TENM2: variants seen among roughly 807,000 people sequenced by gnomAD.
TENM2 encodes teneurin-2.
A neutral mutation model predicts 245.2 loss-of-function variants in TENM2; 52 were observed. The observed-to-expected ratio is 0.21, with a 90% CI of 0.17 to 0.27. TENM2 has a LOEUF of 0.27. Ranked by LOEUF, TENM2 falls within the 10% of genes least tolerant of loss-of-function variation. The probability of loss-of-function intolerance (pLI) is 1.00; values close to 1 mark genes in which losing one functional copy is unlikely to be tolerated. For synonymous variants in TENM2, 1,363 were observed against 1,438.9 expected (o/e 0.95, Z 1.19); for missense variants, 3,046 against 3,666.8 (o/e 0.83, Z 4.37).
At chr5:167,995,014 G>T (rs1442482494) in intron 5 of TENM2, among the ~76,000 whole-genome samples, 1 of 152,208 alleles carries the variant, frequency 6.6e-6, no homozygotes, top group East Asian at 1.9e-4. Context: ...AGAAACTTCA[G>T]AAGGGGTTCC....
At chr5:167,174,644 C>G in the TENM2 span, among the ~76,000 whole-genome samples, 1 of 151,954 alleles carries the variant, frequency 6.6e-6, no homozygotes, top group Non-Finnish European at 1.5e-5. Context: ...ACATATCCAC[C>G]CCTCTTCATA....
chr5:167,042,266 A>T, the TENM2 span, among the ~76,000 whole-genome samples: 1 of 152,078 alleles, frequency 6.6e-6, no homozygotes, highest in African/African-American at 2.4e-5. Flanking sequence ...ACACCACCTT[A>T]TTGCTCACCA....
the TENM2 span, among the ~76,000 whole-genome samples, chr5:167,229,414 G>T: frequency 6.6e-6 from 1 of 152,204 alleles, no homozygotes; most frequent in Non-Finnish European, 1.5e-5. Context: ...GGCTGAGCAG[G>T]TTCTGAACAC....
At chr5:167,201,902 C>T in the TENM2 span, among the ~76,000 whole-genome samples, 1 of 152,136 alleles carries the variant, frequency 6.6e-6, no homozygotes, top group Non-Finnish European at 1.5e-5. Flanking sequence ...CTGTTTGTGA[C>T]TGCCTGGAGA....
At chr5:168,050,109 G>A (rs763696108) in intron 6 of TENM2, among the ~76,000 whole-genome samples, 2 of 152,164 alleles carry the variant, frequency 1.3e-5, no homozygotes, top group Admixed American at 1.3e-4. Flanking sequence ...AGCAGAGACA[G>A]ACAAAATGTT....
chr5:168,034,170 TATAC>T (rs199553664), intron 5 of TENM2, among the ~76,000 whole-genome samples: 7,933 of 98,720 alleles, frequency 0.08, 295 homozygotes, highest in East Asian at 0.18. Context: ...TATGTATATA[TATAC>T]ACACACACAC....
the TENM2 span, among the ~76,000 whole-genome samples, chr5:166,999,165 A>T: frequency 6.6e-6 from 1 of 152,202 alleles, no homozygotes. Context: ...GTGGACTCAC[A>T]GTTTTCTGAA....
chr5:167,998,587 G>A lies in TENM2; in HGVS notation c.1186+5405G>A, dbSNP rs557349139. On this transcript the variant is annotated intron_variant, in intron 5 of 28. Coordinates refer to ENST00000518659, the Ensembl canonical transcript of TENM2. ...TGAGCTTCTGCCAAAGACACTTCAC[G>A]GGGTTGGTAAGGGAAGGCAGGAGAG... Among the ~76,000 whole-genome samples the A allele has an allele frequency of 3.9e-5, 6 of 152,246 alleles. 1 individual carries two copies. The highest frequency in any genetic ancestry group is 1.4e-4 in the African/African-American group (6 of 41,544).
chr5:167,095,405 G>T, the TENM2 span, among the ~76,000 whole-genome samples: 1 of 152,136 alleles, frequency 6.6e-6, no homozygotes, highest in Admixed American at 6.6e-5. Flanking sequence ...GGATTGGGCT[G>T]GGAAGAGTGA....
At position 167,872,461 on chromosome 5, in the gene TENM2, CGAAAGAAAGAAA is replaced by C. The variant is rs763636004; in HGVS notation, c.503-3512_503-3501del. ...AAACAAGCACGAAAGAAAGAAAGCA[CGAAAGAAAGAAA>C]GAAAGAAAGAAAAAGAAAGAAAGAA... On this transcript the variant is annotated intron_variant, in intron 2 of 28. Transcript: ENST00000518659. Among the ~76,000 whole-genome samples, 416 of 99,750 alleles carry C rather than the reference CGAAAGAAAGAAA, an allele frequency of 4.2e-3. 6 individuals carry two copies. The highest frequency in any genetic ancestry group is 5.3e-3 in the Admixed American group (48 of 9,056). 65.4% of individuals were successfully genotyped at this position (99,750 alleles called of 152,430 possible).
At chr5:168,034,047 G>A (rs202230911) in intron 5 of TENM2, among the ~76,000 whole-genome samples, 2 of 133,346 alleles carry the variant, frequency 1.5e-5, no homozygotes, top group Non-Finnish European at 3.1e-5. Context: ...ATATATGTGT[G>A]TGTATATATA....
exon 5 of TENM2, chr5:167,993,063 C>T: frequency 1.2e-6 from 2 of 1,614,026 alleles, no homozygotes; most frequent in Non-Finnish European, 1.7e-6. Flanking sequence ...CCCAGGAATA[C>T]TTTCTCCAGG....
chr5:167,814,282 A>G (rs188038044), intron 2 of TENM2, among the ~76,000 whole-genome samples: 1 of 152,200 alleles, frequency 6.6e-6, no homozygotes, highest in East Asian at 1.9e-4. Context: ...AACACATTCA[A>G]GCATCAGTCC....
chr5:167,671,005 C>T (rs941084693), intron 2 of TENM2, among the ~76,000 whole-genome samples: 2 of 152,098 alleles, frequency 1.3e-5, no homozygotes, highest in African/African-American at 2.4e-5. Flanking sequence ...CTTTCATTTG[C>T]CTGTCTACAC....
chr5:167,281,417 C>T (rs530206087), upstream of TENM2, among the ~76,000 whole-genome samples: 31 of 152,022 alleles, frequency 2.0e-4, no homozygotes, highest in African/African-American at 7.5e-4. Flanking sequence ...ACCAGGCTGA[C>T]AATCAGTTTT....
the TENM2 span, among the ~76,000 whole-genome samples, chr5:167,242,044 TTG>T: frequency 1.3e-5 from 2 of 149,448 alleles, no homozygotes; most frequent in African/African-American, 4.9e-5. Flanking sequence ...TTTTTGTTTT[TTG>T]TTTTTTTTTT....
At chr5:167,657,416 C>A (rs13361125) in intron 2 of TENM2, among the ~76,000 whole-genome samples, 1,741 of 152,302 alleles carry the variant, frequency 0.011, 37 homozygotes, top group African/African-American at 0.04. Flanking sequence ...CCTATCTTGG[C>A]TATTGCAAAC....
Position 167,512,909 on chromosome 5 carries a change from G to A in TENM2, c.502+137436G>A, listed in dbSNP as rs182024494. ...TGAAGCAGGGATGATAAGAGCAATC[G>A]CAGAGTACTTCTAGTTGTCAATGCC... is the stretch of plus-strand genomic sequence containing the variant. On this transcript the variant is annotated intron_variant, in intron 2 of 28. Transcript: ENST00000518659. 2.9e-3 allele frequency among the ~76,000 whole-genome samples: 439 copies of A among 152,224 alleles called. 3 individuals carry two copies. The highest frequency in any genetic ancestry group is 9.6e-3 in the African/African-American group (399 of 41,538).
chr5:167,928,637 T>C (rs1777945186), intron 3 of TENM2, among the ~76,000 whole-genome samples: 1 of 152,046 alleles, frequency 6.6e-6, no homozygotes, highest in Non-Finnish European at 1.5e-5. Flanking sequence ...CTCACACCTG[T>C]AATCCCAGCA....
Sources: gnomAD v4.1 joint callset for allele counts (sites outside exome capture counted in the v4.1 genomes callset) on GRCh38, gnomAD v4.1.1 for gene constraint, MANE v1.5 for transcripts, NCBI Gene and HGNC (gene_info 2026-07-23, HGNC 2026-07-21) for gene names.